Variants in ACKR2 observed in about 807,000 individuals in gnomAD.
ACKR2 encodes C-C chemokine receptor D6.
For missense variants in ACKR2, 457 were observed against 477.3 expected, an observed-to-expected ratio of 0.96 and a Z score of 0.40; for synonymous variants, 207 against 192.2, an observed-to-expected ratio of 1.08 and a Z score of -0.64.
chr3:42,810,370 A>G (rs1700682005), intron 1 of ACKR2, among the ~76,000 whole-genome samples: 1 of 152,092 alleles, frequency 6.6e-6, no homozygotes, highest in South Asian at 2.1e-4. Flanking sequence ...TTTCTCTTCA[A>G]ATAATCTGAT....
At chr3:42,850,362 C>G (rs1019023971) in intron 2 of ACKR2, among the ~76,000 whole-genome samples, 2 of 152,104 alleles carry the variant, frequency 1.3e-5, no homozygotes, top group Non-Finnish European at 2.9e-5. Context: ...ATCTGTACCC[C>G]CAATAAACTT....
intron 2 of ACKR2, chr3:42,835,370 G>A (rs1012171092): frequency 1.3e-5 from 2 of 151,850 alleles, no homozygotes; most frequent in Non-Finnish European, 2.9e-5. Flanking sequence ...GGGTCACCCA[G>A]TTAACAGAGC....
intron 2 of ACKR2, among the ~76,000 whole-genome samples, chr3:42,837,406 G>A (rs563832542): frequency 6.6e-6 from 1 of 152,014 alleles, no homozygotes; most frequent in Non-Finnish European, 1.5e-5. Flanking sequence ...TATATATTTA[G>A]AGATGGGGTC....
intron 2 of ACKR2, among the ~76,000 whole-genome samples, chr3:42,863,973 C>T (rs4682867): frequency 0.36 from 54,685 of 151,874 alleles, 10,610 homozygotes; most frequent in East Asian, 0.62. Flanking sequence ...CAAACCTGCA[C>T]GTTTTGTACA....
At chr3:42,830,803 C>T (rs1036298289) in intron 2 of ACKR2, among the ~76,000 whole-genome samples, 2 of 151,868 alleles carry the variant, frequency 1.3e-5, no homozygotes, top group Non-Finnish European at 2.9e-5. Flanking sequence ...TCTTCCCAGA[C>T]CCCTCAAAAT....
At chr3:42,828,092 A>ATATTTTTTTTTTTTTTTTTTT (rs1193533555) in intron 2 of ACKR2, among the ~76,000 whole-genome samples, 1 of 121,902 alleles carries the variant, frequency 8.2e-6, no homozygotes, top group Non-Finnish European at 1.7e-5. Context: ...ATATATATAT[A>ATATTTTTTTTTTTTTTTTTTT]TTTTTTTTTT....
chr3:42,811,725 C>G, intron 1 of ACKR2, among the ~76,000 whole-genome samples: 1 of 152,124 alleles, frequency 6.6e-6, no homozygotes, highest in East Asian at 1.9e-4. Context: ...GTGTAAAACC[C>G]GATCGTAAAT....
At chr3:42,816,062 A>C (rs757988537) in intron 1 of ACKR2, among the ~76,000 whole-genome samples, 2 of 152,200 alleles carry the variant, frequency 1.3e-5, no homozygotes, top group Non-Finnish European at 2.9e-5. Flanking sequence ...TAAATGATAT[A>C]TAAAACCCCA....
Position 42,865,014 on chromosome 3 carries a change from T to C in ACKR2, c.512T>C (p.Val171Ala). ...SLLLATIVWA[V>A]SLAVSIPDMV... The stretch of plus-strand genomic sequence containing the variant: ...CTCCTTGCTACCATAGTATGGGCTG[T>C]GTCCCTGGCCGTCTCCATCCCTGAT... Residue 171 changes from valine (V) to alanine (A), a missense_variant, in exon 3 of 3, where the codon GTG (valine) becomes GCG (alanine). By Grantham distance (64) the Val-to-Ala change is moderately conservative (BLOSUM62 0). Transcript: ENST00000422265. 1 of 1,614,204 alleles carries C rather than the reference T, an allele frequency of 6.2e-7. No homozygotes were observed. Among genetic ancestry groups the C allele is most frequent in the Non-Finnish European group, 8.5e-7 (1 of 1,180,036 alleles).
intron 2 of ACKR2, among the ~76,000 whole-genome samples, chr3:42,826,580 TTCTC>T (rs1056531090): frequency 1.3e-5 from 2 of 152,084 alleles, no homozygotes; most frequent in African/African-American, 4.8e-5. Context: ...TCTATAGTGA[TTCTC>T]TCTCTTTTAT....
At chr3:42,818,627 T>A (rs532687898) in intron 1 of ACKR2, among the ~76,000 whole-genome samples, 2 of 152,334 alleles carry the variant, frequency 1.3e-5, no homozygotes, top group South Asian at 4.1e-4. Context: ...AGTGGCGCGA[T>A]CTCGGCTCAC....
Position 42,865,745 on chromosome 3 carries a change from CTG to C in ACKR2, c.*92_*93del, listed in dbSNP as rs1303373827. 6 of 1,074,776 alleles carry C rather than the reference CTG, an allele frequency of 5.6e-6. No individual in the cohort carries two copies. In the East Asian group the frequency reaches 1.0e-4, roughly 18 times the overall value. The allele number at this position is 1,074,776 out of a possible 1,614,324, so 66.6% of individuals were successfully genotyped here. A position where few individuals can be genotyped will look rare whatever the true frequency, so the allele number is the denominator to read the frequency against. ...GTGCTCTCTCCAGGGGCCTCAGTGA[CTG>C]TGTTGCTAAACCCAGTGGTCAGTTC... is the stretch of plus-strand genomic sequence containing the variant. On this transcript the variant is annotated 3_prime_UTR_variant, in exon 3 of 3. Transcript: ENST00000422265.
intron 2 of ACKR2, among the ~76,000 whole-genome samples, chr3:42,859,653 T>C (rs2088360077): frequency 6.6e-6 from 1 of 152,126 alleles, no homozygotes; most frequent in Non-Finnish European, 1.5e-5. Context: ...AGTGCTGGGA[T>C]CACAGACGTG....
intron 2 of ACKR2, among the ~76,000 whole-genome samples, chr3:42,837,052 G>A (rs1198414393): frequency 6.6e-6 from 1 of 152,088 alleles, no homozygotes; most frequent in East Asian, 1.9e-4. Context: ...TCACCCTTGG[G>A]ACATAATGTG....
rs1232177179 is a variant in ACKR2 at position 42,865,354 on chromosome 3, TGAG to T, written c.854_856del (p.Glu285del). 6.2e-7 allele frequency: 1 copy of T among 1,614,212 alleles called. No individual in the cohort carries two copies. Among genetic ancestry groups the T allele is most frequent in the Admixed American group, 1.7e-5 (1 of 60,016 alleles). ...TGGACCTGCAAGTATTCGGGAACTG[TGAG>T]GTCAGCCAGCATCTAGACTACGCAC... On this transcript the variant is annotated inframe_deletion, in exon 3 of 3. Coordinates refer to ENST00000422265, the MANE Select transcript of ACKR2 (RefSeq NM_001296.5).
chr3:42,812,680 CTTTTTTTTTTTTT>C (rs71616070), intron 1 of ACKR2, among the ~76,000 whole-genome samples: 1 of 72,758 alleles, frequency 1.4e-5, no homozygotes, highest in African/African-American at 5.5e-5. Context: ...AATTTTCAGC[CTTTTTTTTTTTTT>C]TTTTTTTTTT....
intron 1 of ACKR2, among the ~76,000 whole-genome samples, chr3:42,814,900 G>T (rs1373484162): frequency 6.6e-6 from 1 of 152,214 alleles, no homozygotes; most frequent in Non-Finnish European, 1.5e-5. Context: ...CTTGAAGGAT[G>T]ACTAGGATGT....
chr3:42,854,523 T>C (rs1228499146), intron 2 of ACKR2, among the ~76,000 whole-genome samples: 1 of 152,196 alleles, frequency 6.6e-6, no homozygotes, highest in Non-Finnish European at 1.5e-5. Context: ...CACCTCACGT[T>C]GTGAGGGCCA....
At chr3:42,823,221 T>A (rs996784187) in intron 2 of ACKR2, among the ~76,000 whole-genome samples, 2 of 152,212 alleles carry the variant, frequency 1.3e-5, no homozygotes, top group Admixed American at 6.5e-5. Context: ...CGATAAAGCC[T>A]AGCATGGAGT....
Sources: allele counts gnomAD v4.1 joint callset (sites outside exome capture counted in the v4.1 genomes callset), GRCh38; gene constraint gnomAD v4.1.1; transcripts MANE v1.5; gene names NCBI Gene and HGNC (gene_info 2026-07-23, HGNC 2026-07-21).